NEURL3: variants seen among roughly 807,000 people sequenced by gnomAD.
NEURL3 encodes E3 ubiquitin-protein ligase NEURL3.
Under a neutral mutation model 17.6 loss-of-function variants are expected in NEURL3, and 19 were observed. The ratio of observed to expected loss-of-function variants is 1.08; its 90% CI spans 0.75 to 1.58. The LOEUF is 1.58. NEURL3 is among the 40% of genes most tolerant of loss of function. NEURL3 has a pLI of 0.00. For missense variants in NEURL3, 342 were observed against 379.6 expected, an observed-to-expected ratio of 0.90 and a Z score of 0.82; for synonymous variants, 180 against 161.4, an observed-to-expected ratio of 1.11 and a Z score of -0.87.
intron 1 of NEURL3, among the ~76,000 whole-genome samples, chr2:96,502,180 G>C (rs778303052): frequency 6.6e-6 from 1 of 152,142 alleles, no homozygotes; most frequent in Non-Finnish European, 1.5e-5. Flanking sequence ...TTCACCCCTC[G>C]CCTGCGCCCC....
chr2:96,500,642 T>C lies in NEURL3; in HGVS notation c.311A>G (p.Gln104Arg). Reference sequence around the variant, plus strand: ...CAGCACGGCCGCCCACGTCGGGCTCTGCTCCTCCAGGTCGGGGCACAGGAA... The same window carrying C: ...CAGCACGGCCGCCCACGTCGGGCTCCGCTCCTCCAGGTCGGGGCACAGGAA... ...PPFLCPDLEE[Q>R]SPTWAAVLPE... Residue 104 changes from glutamine (Q) to arginine (R), a missense_variant, in exon 2 of 4, where the codon CAG (glutamine) becomes CGG (arginine). Coordinates refer to ENST00000451794, the MANE Select transcript of NEURL3 (RefSeq NM_001285485.2). 6.6e-7 allele frequency: 1 copy of C among 1,519,294 alleles called. No homozygotes were observed. The highest frequency in any genetic ancestry group is 8.8e-7 in the Non-Finnish European group (1 of 1,140,330). 94.1% of individuals were successfully genotyped at this position (1,519,294 alleles called of 1,614,324 possible).
chr2:96,507,877 C>A (rs2065573379), upstream of NEURL3: 1 of 152,260 alleles, frequency 6.6e-6, no homozygotes, highest in Non-Finnish European at 1.5e-5. Flanking sequence ...CTGAGGCACA[C>A]GACAGTTACG....
rs1424161938 is a variant in NEURL3 at position 96,500,572 on chromosome 2, C to T, written c.381G>A (p.Val127=). 1 of 1,542,480 alleles carries T rather than the reference C, an allele frequency of 6.5e-7. No homozygotes were observed. Among genetic ancestry groups the T allele is most frequent in the Non-Finnish European group, 8.7e-7 (1 of 1,151,892 alleles). ...TGGCGAAGAGGCAGCCGCGGCGGTC[C>T]ACCCAGAAGCGGACCAAGTCCCCAG... ...ALTGDLVRFW[V]DRRGCLFAKV... The change falls in exon 2 of 4, where the codon GTG becomes GTA. Residue 127 remains valine, a synonymous_variant. Transcript: ENST00000451794.
Position 96,498,617 on chromosome 2 carries a change from A to G in NEURL3, c.587-171T>C, listed in dbSNP as rs2065468313. ...AGTGAAAAAAAGGGGGAAGAAAACC[A>G]TTTTTTATATACATATATTCCAATT... On this transcript the variant is annotated intron_variant, in intron 3 of 3. Transcript: ENST00000451794. This position sits in a 1 kb window ranked among gnomAD's most constrained non-coding sequence, Gnocchi z 4.4. Among the ~76,000 whole-genome samples, 1 of 152,172 alleles carries G rather than the reference A, an allele frequency of 6.6e-6. No homozygotes were observed.
chr2:96,499,590 C>A, intron 2 of NEURL3, 141 bp from the exon 3 acceptor site: 1 of 684,378 alleles, frequency 1.5e-6, no homozygotes, highest in Non-Finnish European at 2.5e-6. Context: ...AATTTTAAGA[C>A]CCTGTCCTGG....
In NEURL3 at chr2:96,500,786, C is replaced by T. The variant is rs1558599576; in HGVS notation, c.167G>A (p.Arg56His). Residue 56 changes from arginine (R) to histidine (H), a missense_variant, in exon 2 of 4, where the codon CGC becomes CAC. Coordinates refer to ENST00000451794, the MANE Select transcript of NEURL3 (RefSeq NM_001285485.2). ...TCGCAGCGCCACACGCTCGCCCAGG[C>T]GCACCGGCCGCTGGCTGAACACGAT... ...DGIVFSQRPV[R>H]LGERVALRVL... 4.6e-6 allele frequency: 7 copies of T among 1,526,330 alleles called. No homozygotes were observed. Among genetic ancestry groups the T allele is most frequent in the South Asian group, 1.2e-5 (1 of 83,502 alleles). The allele number at this position is 1,526,330 out of a possible 1,614,324, so 94.5% of individuals were successfully genotyped here. A position where few individuals can be genotyped will look rare whatever the true frequency, so the allele number is the denominator to read the frequency against.
intron 1 of NEURL3, among the ~76,000 whole-genome samples, chr2:96,504,280 C>CT: frequency 6.6e-6 from 1 of 152,300 alleles, no homozygotes; most frequent in East Asian, 1.9e-4. Context: ...CATCCCGCCT[C>CT]GGGGAAGCCC....
intron 1 of NEURL3, 114 bp from the exon 2 acceptor site, chr2:96,501,038 C>T (rs2065502900): frequency 1.6e-6 from 2 of 1,288,414 alleles, no homozygotes; most frequent in East Asian, 5.8e-5. Flanking sequence ...TGACCTTCCC[C>T]TAGGGACCAT....
chr2:96,498,294 C>A lies in NEURL3; in HGVS notation c.739G>T (p.Val247Leu). The A allele has an allele frequency of 1.9e-6, 3 of 1,591,426 alleles. No homozygotes were observed. Among genetic ancestry groups the A allele is most frequent in the Non-Finnish European group, 2.5e-6 (3 of 1,176,558 alleles). The change falls in exon 4 of 4, where the codon GTA becomes TTA. Residue 247 changes from valine to leucine, a missense_variant. By Grantham distance (32) the Val-to-Leu change is conservative (BLOSUM62 1). Coordinates refer to ENST00000451794, the MANE Select transcript of NEURL3 (RefSeq NM_001285485.2). This position sits in a 1 kb window ranked among gnomAD's most constrained non-coding sequence, Gnocchi z 4.4. Reference sequence around the variant, plus strand: ...GCAGGAGGGCCCTGCGCAGGGGCTACCGCCTCTATCTGCCAGCGGCACACA... The same window carrying A: ...GCAGGAGGGCCCTGCGCAGGGGCTAACGCCTCTATCTGCCAGCGGCACACA... ...CPVCRWQIEA[V>L]APAQGPPALR...
chr2:96,507,318 G>A (rs1289594174), upstream of NEURL3, among the ~76,000 whole-genome samples: 2 of 152,300 alleles, frequency 1.3e-5, no homozygotes, highest in Admixed American at 1.3e-4. Context: ...CCTGTGTCAT[G>A]TAAAATTTAC....
intron 1 of NEURL3, chr2:96,501,126 A>C: frequency 4.9e-6 from 1 of 205,544 alleles, no homozygotes; most frequent in Non-Finnish European, 8.6e-6. Context: ...TCCTGCGACC[A>C]ATCTAGTAAT....
At chr2:96,505,540 G>A (rs2065553995), upstream of NEURL3, among the ~76,000 whole-genome samples, 1 of 152,202 alleles carries the variant, frequency 6.6e-6, no homozygotes. Context: ...TGGGGGTCTG[G>A]CCTGGGTAGG....
upstream of NEURL3, among the ~76,000 whole-genome samples, chr2:96,507,586 T>C (rs1410299510): frequency 6.6e-6 from 1 of 152,166 alleles, no homozygotes; most frequent in Non-Finnish European, 1.5e-5. Context: ...TGCCTCAGCC[T>C]CCCAAGTAGC....
At chr2:96,502,195 G>A (rs987323056) in intron 1 of NEURL3, among the ~76,000 whole-genome samples, 4 of 152,170 alleles carry the variant, frequency 2.6e-5, no homozygotes, top group African/African-American at 9.7e-5. Flanking sequence ...CGCCCCGCCC[G>A]TGCCTTCCCA....
Position 96,504,302 on chromosome 2 carries a change from G to C in NEURL3, c.28+957C>G, listed in dbSNP as rs184918731. On this transcript the variant is annotated intron_variant, in intron 1 of 3. Coordinates refer to ENST00000451794, the MANE Select transcript of NEURL3 (RefSeq NM_001285485.2). ...CCTCGGGGAAGCCCTCAGAGCTTGA[G>C]AAGGCTGTGCTAGTCATCTGTGTTT... 2.6e-3 allele frequency among the ~76,000 whole-genome samples: 394 copies of C among 152,288 alleles called. 3 individuals carry two copies. Among genetic ancestry groups the C allele is most frequent in the African/African-American group, 8.4e-3 (350 of 41,564 alleles).
At chr2:96,506,536 G>A (rs185220796), upstream of NEURL3, among the ~76,000 whole-genome samples, 2 of 152,358 alleles carry the variant, frequency 1.3e-5, no homozygotes, top group East Asian at 1.9e-4. Flanking sequence ...CAAGGGCCTG[G>A]TGGGTTTGGA....
chr2:96,506,070 C>T (rs1156304026), upstream of NEURL3, among the ~76,000 whole-genome samples: 2 of 152,326 alleles, frequency 1.3e-5, no homozygotes, highest in Middle Eastern at 3.4e-3. Context: ...GTTAGGAAAA[C>T]TGAGGATCAT....
Position 96,500,565 on chromosome 2 carries a change from G to T in NEURL3, c.388C>A (p.Arg130Ser). Residue 130 changes from arginine (R) to serine (S), a missense_variant, in exon 2 of 4, where the codon CGC (arginine) becomes AGC (serine). By Grantham distance (110) the Arg-to-Ser change is moderately radical (BLOSUM62 -1). Coordinates refer to ENST00000451794, the MANE Select transcript of NEURL3 (RefSeq NM_001285485.2). Reference sequence around the variant, plus strand: ...TTGACCTTGGCGAAGAGGCAGCCGCGGCGGTCCACCCAGAAGCGGACCAAG... The same window carrying T: ...TTGACCTTGGCGAAGAGGCAGCCGCTGCGGTCCACCCAGAAGCGGACCAAG... Reference protein sequence around the residue: ...GDLVRFWVDRRGCLFAKVNAG... With the variant: ...GDLVRFWVDRSGCLFAKVNAG... 1 of 1,550,532 alleles carries T rather than the reference G, an allele frequency of 6.4e-7. No homozygotes were observed. The highest frequency in any genetic ancestry group is 8.6e-7 in the Non-Finnish European group (1 of 1,156,416).
chr2:96,499,271 A>C, intron 3 of NEURL3, 107 bp downstream of exon 3: 1 of 1,503,568 alleles, frequency 6.7e-7, no homozygotes, highest in Non-Finnish European at 8.9e-7. Flanking sequence ...TTTTGGCCCA[A>C]AGCCTGTGAG....
Sources: gnomAD v4.1 joint callset for allele counts (sites outside exome capture counted in the v4.1 genomes callset) on GRCh38, gnomAD v4.1.1 for gene constraint, Gnocchi (gnomAD v3.1) non-coding constraint, MANE v1.5 for transcripts, NCBI Gene and HGNC (gene_info 2026-07-23, HGNC 2026-07-21) for gene names.